The following DGKB variants were observed in gnomAD, a reference collection of about 807,000 sequenced individuals.
DGKB encodes 90 kDa diacylglycerol kinase.
A neutral mutation model predicts 114.3 loss-of-function variants in DGKB; 67 were observed. That is an observed-to-expected ratio of 0.59 (90% CI 0.48 to 0.72). The LOEUF (loss-of-function observed/expected upper bound fraction) is 0.72. Among genes scored for constraint, DGKB ranks in the 30% least tolerant of loss-of-function variants. The probability of loss-of-function intolerance (pLI) is 0.00; values close to 1 mark genes in which losing one functional copy is unlikely to be tolerated. For synonymous variants in DGKB, 398 were observed against 323.1 expected (o/e 1.23, Z -2.49); for missense variants, 907 against 975.2 (o/e 0.93, Z 0.93).
chr7:14,214,954 C>T (rs1353664687), intron 23 of DGKB, among the ~76,000 whole-genome samples: 1 of 152,160 alleles, frequency 6.6e-6, no homozygotes, highest in Non-Finnish European at 1.5e-5. Flanking sequence ...CACTCCATTG[C>T]TTCTCCTCCC....
chr7:14,561,950 C>A (rs1379163984), intron 20 of DGKB, among the ~76,000 whole-genome samples: 3 of 152,184 alleles, frequency 2.0e-5, no homozygotes, highest in African/African-American at 7.2e-5. Flanking sequence ...GACATTGTGG[C>A]AGCCCCCCTC....
At chr7:14,375,940 A>G (rs1818412438) in intron 21 of DGKB, among the ~76,000 whole-genome samples, 2 of 152,240 alleles carry the variant, frequency 1.3e-5, no homozygotes, top group Non-Finnish European at 2.9e-5. Flanking sequence ...TGAACTAGGC[A>G]TACAGTCTTG....
rs184482173 is a variant in DGKB, at chr7:14,957,032, A to G, written c.-188+17664T>C. Among the ~76,000 whole-genome samples the G allele has an allele frequency of 2.0e-3, 304 of 152,120 alleles. 1 individual carries two copies. Among genetic ancestry groups the G allele is most frequent in the South Asian group, 7.9e-3 (38 of 4,822 alleles). ...CATACACAAACATTTTTCAGAGGCT[A>G]TCAAATGCCCAAATAGGAATTTGCC... On this transcript the variant is annotated intron_variant, in intron 1 of 4. Transcript: ENST00000437998.
intron 4 of DGKB, among the ~76,000 whole-genome samples, chr7:14,737,632 T>C (rs1255699075): frequency 2.0e-5 from 3 of 152,204 alleles, no homozygotes; most frequent in African/African-American, 7.2e-5. Context: ...AACCAAACAC[T>C]TTATTTATCA....
In DGKB at chr7:14,648,709, G is replaced by A. The variant is rs193186367; in HGVS notation, c.1135-18441C>T. 2.7e-4 allele frequency among the ~76,000 whole-genome samples: 41 copies of A among 150,938 alleles called. 1 individual carries two copies. In the East Asian group the frequency reaches 6.5e-3, roughly 24 times the overall value. ...ATCAAATTACTCTGAGCTACGGGAGGACATTCTAACCAAAGGCAAAGAAGT... is the reference window on the plus strand; with the variant it reads ...ATCAAATTACTCTGAGCTACGGGAGAACATTCTAACCAAAGGCAAAGAAGT... On this transcript the variant is annotated intron_variant, in intron 13 of 25. Coordinates refer to ENST00000402815, the MANE Select transcript of DGKB (RefSeq NM_001350709.2).
intron 1 of DGKB, among the ~76,000 whole-genome samples, chr7:14,847,019 G>A (rs1028409980): frequency 2.6e-5 from 4 of 152,134 alleles, no homozygotes; most frequent in Admixed American, 6.5e-5. Flanking sequence ...GGCCGGGCGC[G>A]GTGGCTCATG....
intron 20 of DGKB, among the ~76,000 whole-genome samples, chr7:14,535,133 G>A (rs892336837): frequency 3.9e-5 from 6 of 152,156 alleles, no homozygotes; most frequent in South Asian, 2.1e-4. Context: ...ATTTTGGAAG[G>A]CCAAAGTAGC....
intron 20 of DGKB, among the ~76,000 whole-genome samples, chr7:14,503,633 G>C (rs970404477): frequency 6.6e-6 from 1 of 152,094 alleles, no homozygotes; most frequent in African/African-American, 2.4e-5. Context: ...TTAACTCCGA[G>C]ATTTATTCTA....
chr7:14,824,225 T>C (rs1007507078), intron 2 of DGKB, among the ~76,000 whole-genome samples: 1 of 152,172 alleles, frequency 6.6e-6, no homozygotes, highest in Non-Finnish European at 1.5e-5. Context: ...GAGATTTGGG[T>C]GGAGACACAG....
At chr7:14,387,335 T>C (rs539223676) in intron 21 of DGKB, among the ~76,000 whole-genome samples, 212 of 145,440 alleles carry the variant, frequency 1.5e-3, no homozygotes, top group African/African-American at 5.0e-3. Flanking sequence ...ATTGCTTGAA[T>C]CAGGGAGTCG....
intron 1 of DGKB, among the ~76,000 whole-genome samples, chr7:14,954,807 A>T (rs2128262448): frequency 6.6e-6 from 1 of 152,232 alleles, no homozygotes; most frequent in East Asian, 1.9e-4. Context: ...TAACCAGTAA[A>T]TAGTTGGTTA....
Position 14,176,075 on chromosome 7 carries a change from GCTT to G in DGKB, c.2304+761_2304+763del, listed in dbSNP as rs546752857. The G allele has an allele frequency of 2.2e-3, 328 of 152,234 alleles. 1 individual carries two copies. Among genetic ancestry groups the G allele is most frequent in the South Asian group, 4.4e-3 (21 of 4,810 alleles). The allele number at this position is 152,234 out of a possible 1,614,324, so 9.4% of individuals were successfully genotyped here. Reference sequence around the variant, plus strand: ...GTATTTATTCTCCACACCTAATCCAGCTTCTTATCATCATTTCACCTTATTTTT... The same window carrying G: ...GTATTTATTCTCCACACCTAATCCAGCTTATCATCATTTCACCTTATTTTT... On this transcript the variant is annotated intron_variant, in intron 25 of 25. Transcript: ENST00000402815.
At chr7:14,900,526 G>C (rs756085527) in intron 1 of DGKB, among the ~76,000 whole-genome samples, 1 of 151,952 alleles carries the variant, frequency 6.6e-6, no homozygotes, top group East Asian at 1.9e-4. Flanking sequence ...ATTAGATTTC[G>C]CGATCAGCAG....
At chr7:14,328,996 G>A (rs796760399) in intron 23 of DGKB, among the ~76,000 whole-genome samples, 12 of 152,026 alleles carry the variant, frequency 7.9e-5, no homozygotes, top group African/African-American at 2.6e-4. Context: ...TCTCAGTGTG[G>A]TGGGACTCAT....
intron 1 of DGKB, among the ~76,000 whole-genome samples, chr7:14,932,547 T>C (rs949673376): frequency 2.0e-5 from 3 of 152,216 alleles, no homozygotes; most frequent in African/African-American, 7.2e-5. Flanking sequence ...ATTATACTTT[T>C]AAAAGTACAT....
intron 20 of DGKB, among the ~76,000 whole-genome samples, chr7:14,553,001 T>C (rs1266573669): frequency 3.3e-5 from 5 of 152,240 alleles, no homozygotes; most frequent in Admixed American, 2.0e-4. Context: ...ATCTTTGGGA[T>C]GCTTAAGGCC....
chr7:14,250,980 A>C (rs1227574474), intron 23 of DGKB, among the ~76,000 whole-genome samples: 1 of 152,138 alleles, frequency 6.6e-6, no homozygotes. Flanking sequence ...TTTGCAGGAA[A>C]TATCTCTTGA....
At chr7:14,693,356 G>C (rs2128993618) in intron 9 of DGKB, among the ~76,000 whole-genome samples, 1 of 152,004 alleles carries the variant, frequency 6.6e-6, no homozygotes, top group East Asian at 1.9e-4. Flanking sequence ...ACTGAAATCT[G>C]CTTCAAGTCT....
At chr7:14,230,997 G>A (rs1194750618) in intron 23 of DGKB, among the ~76,000 whole-genome samples, 2 of 152,000 alleles carry the variant, frequency 1.3e-5, no homozygotes, top group African/African-American at 2.4e-5. Flanking sequence ...CTTCCAGGAG[G>A]ACAAGGGCTA....
Sources: allele counts gnomAD v4.1 joint callset (sites outside exome capture counted in the v4.1 genomes callset), GRCh38; gene constraint gnomAD v4.1.1; transcripts MANE v1.5; gene names NCBI Gene and HGNC (gene_info 2026-07-23, HGNC 2026-07-21).